The following CFAP61 variants were observed in gnomAD, a reference collection of about 807,000 sequenced individuals.
The protein encoded by CFAP61 is cilia- and flagella-associated protein 61.
A neutral mutation model predicts 135.6 loss-of-function variants in CFAP61; 107 were observed. The ratio of observed to expected loss-of-function variants is 0.79; its 90% CI spans 0.67 to 0.93. The LOEUF is 0.93. Ranked by LOEUF, CFAP61 falls within the 40% of genes least tolerant of loss-of-function variation. CFAP61 has a pLI of 0.00. For synonymous variants in CFAP61, 575 were observed against 578.5 expected (o/e 0.99, Z 0.09); for missense variants, 1,507 against 1,556.2 (o/e 0.97, Z 0.53).
intron 6 of CFAP61, among the ~76,000 whole-genome samples, chr20:20,082,560 T>C (rs1035806652): frequency 3.3e-5 from 5 of 152,212 alleles, no homozygotes; most frequent in Non-Finnish European, 5.9e-5. Flanking sequence ...CATGCTCTTT[T>C]TCTGGGGGAA....
chr20:20,084,871 A>G (rs552450745), intron 6 of CFAP61, among the ~76,000 whole-genome samples: 1 of 152,164 alleles, frequency 6.6e-6, no homozygotes, highest in Non-Finnish European at 1.5e-5. Context: ...GTTCAACTCC[A>G]TTTCACATGG....
intron 19 of CFAP61, among the ~76,000 whole-genome samples, chr20:20,248,691 T>A (rs1392646620): frequency 6.6e-6 from 1 of 152,198 alleles, no homozygotes; most frequent in Non-Finnish European, 1.5e-5. Context: ...TTTCTAAGGT[T>A]CTTTCCAGCT....
intron 9 of CFAP61, among the ~76,000 whole-genome samples, chr20:20,152,510 C>T (rs1020778436): frequency 1.3e-5 from 2 of 152,096 alleles, no homozygotes; most frequent in Non-Finnish European, 2.9e-5. Context: ...TATAAACTTG[C>T]AGTCAATGGG....
At chr20:20,056,037 T>G (rs1221243789) in intron 1 of CFAP61, 3 of 1,564,872 alleles carry the variant, frequency 1.9e-6, no homozygotes, top group Non-Finnish European at 2.6e-6. Flanking sequence ...TCCCAAAGAG[T>G]GTCGGAAAGG....
rs550193316 is a variant in CFAP61 at position 20,203,228 on chromosome 20, C to T, written c.1932+3326C>T. ...TTTCATCACACATTTCAGAATCAGG[C>T]CTCAAAGATTCATAGTAATGTCTCC... On this transcript the variant is annotated intron_variant, in intron 17 of 26. Transcript: ENST00000245957. 2.0e-5 allele frequency among the ~76,000 whole-genome samples: 3 copies of T among 152,224 alleles called. No individual in the cohort carries two copies. In the South Asian group the frequency reaches 6.2e-4, roughly 32 times the overall value.
At chr20:20,136,540 C>A (rs2050943648) in intron 8 of CFAP61, among the ~76,000 whole-genome samples, 1 of 151,874 alleles carries the variant, frequency 6.6e-6, no homozygotes, top group African/African-American at 2.4e-5. Context: ...ATACATTTTT[C>A]ATTATGTCAG....
At chr20:20,073,434 T>A (rs1268564599) in intron 3 of CFAP61, among the ~76,000 whole-genome samples, 4 of 152,170 alleles carry the variant, frequency 2.6e-5, no homozygotes, top group African/African-American at 9.7e-5. Flanking sequence ...CACACAGAAG[T>A]GCCACTGGTC....
At chr20:20,084,798 T>C (rs1195605052) in intron 6 of CFAP61, among the ~76,000 whole-genome samples, 1 of 152,154 alleles carries the variant, frequency 6.6e-6, no homozygotes, top group Non-Finnish European at 1.5e-5. Flanking sequence ...AGCTGTGGAC[T>C]TAGAAGACAC....
chr20:20,064,719 G>T (rs1568811001), intron 2 of CFAP61, among the ~76,000 whole-genome samples: 2 of 152,140 alleles, frequency 1.3e-5, no homozygotes, highest in Admixed American at 6.5e-5. Context: ...ATGAAACCAC[G>T]GAGAAGTGGG....
At chr20:20,124,966 G>A (rs1425990119) in intron 8 of CFAP61, among the ~76,000 whole-genome samples, 1 of 151,624 alleles carries the variant, frequency 6.6e-6, no homozygotes, top group East Asian at 1.9e-4. Context: ...ATCTTTCCAG[G>A]AATTTATCTA....
intron 25 of CFAP61, among the ~76,000 whole-genome samples, chr20:20,315,461 C>T (rs935642733): frequency 9.9e-5 from 15 of 152,194 alleles, no homozygotes; most frequent in African/African-American, 3.1e-4. Context: ...GAGTAGGTTG[C>T]GAAAATTTTC....
At position 20,073,867 on chromosome 20, in the gene CFAP61, A is replaced by G. The variant is rs544496283; in HGVS notation, c.295-435A>G. ...CTGCCTTCCATTTTTCAAATTCATA[A>G]GAGCATCTCTCCCTCCTGTCACATG... On this transcript the variant is annotated intron_variant, in intron 3 of 26. Transcript: ENST00000245957. 13 of 157,340 alleles carry G rather than the reference A, an allele frequency of 8.3e-5. No homozygotes were observed. In the South Asian group the frequency reaches 2.2e-3, roughly 26 times the overall value. The allele number at this position is 157,340 out of a possible 1,614,324, so 9.7% of individuals were successfully genotyped here. A position where few individuals can be genotyped will look rare whatever the true frequency, so the allele number is the denominator to read the frequency against.
intron 8 of CFAP61, among the ~76,000 whole-genome samples, chr20:20,128,188 G>A (rs551270585): frequency 6.6e-6 from 1 of 151,716 alleles, no homozygotes; most frequent in South Asian, 2.1e-4. Context: ...CTCTGCCCGA[G>A]TTCTGGCCAG....
rs1373735843 is a variant in CFAP61, at chr20:20,090,981, G to GTGAC, written c.699+9_699+12dup. 6.2e-7 allele frequency: 1 copy of GTGAC among 1,614,084 alleles called. No individual in the cohort carries two copies. On this transcript the variant is annotated splice_donor_region_variant and intron_variant, in intron 7 of 26. Transcript: ENST00000245957. ...AATCATGCTGTTGTGTGTGAGGTCA[G>GTGAC]TGACTGATTCATGTGGGAACACACT...
chr20:20,289,775 G>A (rs1299914436), intron 23 of CFAP61, among the ~76,000 whole-genome samples: 7 of 152,248 alleles, frequency 4.6e-5, no homozygotes, highest in Admixed American at 3.3e-4. Flanking sequence ...GGCAAGAGAA[G>A]GGAGGGCTGT....
At chr20:20,212,385 C>T (rs1454199200) in intron 17 of CFAP61, among the ~76,000 whole-genome samples, 3 of 152,126 alleles carry the variant, frequency 2.0e-5, no homozygotes, top group African/African-American at 7.2e-5. Flanking sequence ...CAAGTTTGGC[C>T]CCGGGGAAGT....
At chr20:20,337,898 G>T (rs935394900) in intron 25 of CFAP61, among the ~76,000 whole-genome samples, 9 of 152,152 alleles carry the variant, frequency 5.9e-5, no homozygotes, top group African/African-American at 2.2e-4. Context: ...GAACCACGGA[G>T]GCCATCCCTG....
chr20:20,221,454 T>C (rs1186523682), intron 17 of CFAP61, among the ~76,000 whole-genome samples: 1 of 152,214 alleles, frequency 6.6e-6, no homozygotes, highest in Non-Finnish European at 1.5e-5. Context: ...CTATCAATTA[T>C]AAGATGTACC....
intron 7 of CFAP61, chr20:20,094,587 G>T (rs1183592285): frequency 6.6e-6 from 1 of 152,284 alleles, no homozygotes; most frequent in Non-Finnish European, 1.5e-5. Flanking sequence ...CACACTTTCA[G>T]TGTGTGTAAA....
Sources: allele counts gnomAD v4.1 joint callset (sites outside exome capture counted in the v4.1 genomes callset), GRCh38; gene constraint gnomAD v4.1.1; transcripts MANE v1.5; gene names NCBI Gene and HGNC (gene_info 2026-07-23, HGNC 2026-07-21).